The following LAMA3 variants were observed in gnomAD, a reference collection of about 807,000 sequenced individuals.
The protein encoded by LAMA3 is laminin subunit alpha 3.
A neutral mutation model predicts 402.0 loss-of-function variants in LAMA3; 281 were observed. The ratio of observed to expected loss-of-function variants is 0.70; its 90% CI spans 0.63 to 0.77. The LOEUF (loss-of-function observed/expected upper bound fraction) is 0.77. Ranked by LOEUF, LAMA3 falls within the 30% of genes least tolerant of loss-of-function variation. The pLI is 0.00. For missense variants in LAMA3, 3,840 were observed against 4,215.5 expected, an observed-to-expected ratio of 0.91 and a Z score of 2.47; for synonymous variants, 1,431 against 1,558.4, an observed-to-expected ratio of 0.92 and a Z score of 1.93.
intron 29 of LAMA3, among the ~76,000 whole-genome samples, chr18:23,844,491 C>T (rs966256389): frequency 6.6e-6 from 1 of 152,222 alleles, no homozygotes; most frequent in Non-Finnish European, 1.5e-5. Flanking sequence ...TCCCGTGACC[C>T]AGCCAGCATG....
intron 31 of LAMA3, among the ~76,000 whole-genome samples, chr18:23,846,762 C>A (rs76729688): frequency 5.6e-4 from 85 of 152,332 alleles, no homozygotes; most frequent in Admixed American, 2.4e-3. Flanking sequence ...ATTTGTGACT[C>A]CCCTGCTGTG....
rs2063721132 is a variant in LAMA3, at chr18:23,842,393, A to G, written c.3337-2A>G. 1.2e-6 allele frequency: 2 copies of G among 1,613,780 alleles called. No homozygotes were observed. The highest frequency in any genetic ancestry group is 1.7e-6 in the Non-Finnish European group (2 of 1,179,994). On this transcript the variant is annotated splice_acceptor_variant, in intron 27 of 74. Transcript: ENST00000313654. LOFTEE classifies it high-confidence loss of function. ...TTTTTTCCTCCTCTTTTTTCCTCTT[A>G]GAATCAAGTGACCCTGAGAGGACGT... is the stretch of plus-strand genomic sequence containing the variant.
At chr18:23,894,884 G>A (rs1395012709) in intron 43 of LAMA3, 23 bp from the exon 44 acceptor site, 16 of 1,614,032 alleles carry the variant, frequency 9.9e-6, no homozygotes, top group Non-Finnish European at 1.4e-5. Context: ...CAGCACATTT[G>A]CCTTTGATTG....
intron 2 of LAMA3, among the ~76,000 whole-genome samples, chr18:23,739,384 T>C (rs1044330081): frequency 4.6e-5 from 7 of 152,192 alleles, no homozygotes; most frequent in Non-Finnish European, 8.8e-5. Flanking sequence ...CCAAAATAAA[T>C]ATTCTGACTA....
intron 5 of LAMA3, among the ~76,000 whole-genome samples, chr18:23,752,281 C>T (rs1046689422): frequency 1.3e-5 from 2 of 152,016 alleles, no homozygotes; most frequent in African/African-American, 4.8e-5. Context: ...TCCATGTGCC[C>T]TGGAGCACTG....
chr18:23,895,764 T>C (rs1207403871), intron 44 of LAMA3, among the ~76,000 whole-genome samples: 1 of 152,228 alleles, frequency 6.6e-6, no homozygotes, highest in Non-Finnish European at 1.5e-5. Context: ...ATTGTTTATC[T>C]ATTTTCAATT....
chr18:23,752,263 TC>T (rs2061765331), intron 5 of LAMA3, among the ~76,000 whole-genome samples: 2 of 152,154 alleles, frequency 1.3e-5, no homozygotes, highest in Non-Finnish European at 2.9e-5. Context: ...GGGCTGTGTT[TC>T]TGTTCCTCCA....
intron 41 of LAMA3, among the ~76,000 whole-genome samples, chr18:23,889,298 G>A (rs2080557701): frequency 6.6e-6 from 1 of 152,058 alleles, no homozygotes; most frequent in African/African-American, 2.4e-5. Context: ...CTGGTGGCAT[G>A]CACCTGTAGT....
chr18:23,905,889 C>T (rs1568326468), intron 52 of LAMA3, among the ~76,000 whole-genome samples: 1 of 152,086 alleles, frequency 6.6e-6, no homozygotes, highest in Non-Finnish European at 1.5e-5. Context: ...TTCAGCCTCC[C>T]AAGTAGCTGA....
At chr18:23,737,036 TC>T (rs1263375963) in intron 2 of LAMA3, among the ~76,000 whole-genome samples, 1 of 151,506 alleles carries the variant, frequency 6.6e-6, no homozygotes, top group Non-Finnish European at 1.5e-5. Flanking sequence ...CCACCACTAG[TC>T]CCCTCCTCCA....
At chr18:23,900,070 C>CGTGTGTGT (rs35969367) in intron 47 of LAMA3, among the ~76,000 whole-genome samples, 1 of 150,632 alleles carries the variant, frequency 6.6e-6, no homozygotes, top group Non-Finnish European at 1.5e-5. Context: ...TGTGTGTGTG[C>CGTGTGTGT]GTGTGTGTGT....
Position 23,852,616 on chromosome 18 carries a change from C to A in LAMA3, c.4136+4948C>A, listed in dbSNP as rs181853401. Reference sequence around the variant, plus strand: ...GATCTGGTGGGGGCACCTGTTCTAACCAAGAGTGACAGTGCAGCATGGTGA... The same window carrying A: ...GATCTGGTGGGGGCACCTGTTCTAAACAAGAGTGACAGTGCAGCATGGTGA... On this transcript the variant is annotated intron_variant, in intron 32 of 74. Transcript: ENST00000313654. Among the ~76,000 whole-genome samples, 222 of 152,246 alleles carry A rather than the reference C, an allele frequency of 1.5e-3. 1 individual carries two copies. The highest frequency in any genetic ancestry group is 2.8e-3 in the Non-Finnish European group (190 of 68,012).
At chr18:23,760,314 A>G (rs1340195508) in intron 7 of LAMA3, among the ~76,000 whole-genome samples, 1 of 152,228 alleles carries the variant, frequency 6.6e-6, no homozygotes, top group Non-Finnish European at 1.5e-5. Flanking sequence ...CAGACTTCTT[A>G]ACTGATGTAG....
chr18:23,928,621 T>G lies in LAMA3; in HGVS notation c.8296-4T>G. ...CAGTAATTTATTCCATGTTTGCATT[T>G]CAGCTTGTGCGATCTGCCTCATTCT... On this transcript the variant is annotated splice_polypyrimidine_tract_variant and splice_region_variant and intron_variant, in intron 63 of 74. Coordinates refer to ENST00000313654, the MANE Select transcript of LAMA3 (RefSeq NM_198129.4). 6.2e-7 allele frequency: 1 copy of G among 1,614,044 alleles called. No individual in the cohort carries two copies. The highest frequency in any genetic ancestry group is 1.3e-5 in the African/African-American group (1 of 75,058).
At chr18:23,937,935 G>A (rs1952662482) in intron 67 of LAMA3, among the ~76,000 whole-genome samples, 1 of 152,178 alleles carries the variant, frequency 6.6e-6, no homozygotes, top group African/African-American at 2.4e-5. Flanking sequence ...GAAGCCTTTA[G>A]CTGCTGAATC....
At chr18:23,772,207 A>AATTTTTAT (rs1293697531) in intron 8 of LAMA3, among the ~76,000 whole-genome samples, 1 of 151,966 alleles carries the variant, frequency 6.6e-6, no homozygotes, top group East Asian at 1.9e-4. Flanking sequence ...ATGCCCGGCT[A>AATTTTTAT]ATTTTTATAT....
chr18:23,928,554 AG>A, intron 63 of LAMA3, 70 bp from the exon 64 acceptor site: 6 of 1,403,150 alleles, frequency 4.3e-6, no homozygotes, highest in Non-Finnish European at 6.1e-6. Context: ...AAAGTGAGAT[AG>A]GGTAAGGTAC....
chr18:23,951,543 A>C (rs2082909285), intron 72 of LAMA3, 141 bp from the exon 73 acceptor site: 1 of 683,702 alleles, frequency 1.5e-6, no homozygotes, highest in South Asian at 1.5e-5. Context: ...ATGTGGTCAA[A>C]TGCTTCAAAA....
At chr18:23,897,760 A>C (rs149952977) in intron 44 of LAMA3, among the ~76,000 whole-genome samples, 1,584 of 152,364 alleles carry the variant, frequency 0.01, 14 homozygotes, top group South Asian at 0.066. Flanking sequence ...TTGCTGTATC[A>C]CACAAACATG....
Sources: gnomAD v4.1 joint callset for allele counts (sites outside exome capture counted in the v4.1 genomes callset) on GRCh38, gnomAD v4.1.1 for gene constraint, MANE v1.5 for transcripts, NCBI Gene and HGNC (gene_info 2026-07-23, HGNC 2026-07-21) for gene names.